Variants in NOTCH3 observed in about 807,000 individuals in gnomAD.
NOTCH3 encodes the protein neurogenic locus notch homolog protein 3.
NOTCH3 carries 86 observed loss-of-function variants against 213.3 expected under a neutral mutation model. The observed-to-expected ratio is 0.40, with a 90% confidence interval of 0.34 to 0.48. The LOEUF is 0.48. Ranked by LOEUF, NOTCH3 falls within the 20% of genes least tolerant of loss-of-function variation. The probability of loss-of-function intolerance (pLI) is 0.57; values close to 1 mark genes in which losing one functional copy is unlikely to be tolerated. For synonymous variants in NOTCH3, 1,354 were observed against 1,355.9 expected (o/e 1.00, Z 0.03); for missense variants, 2,783 against 3,272.6 (o/e 0.85, Z 3.65).
Position 15,187,181 on chromosome 19 carries a change from G to C in NOTCH3, c.1764C>G (p.Ser588Arg). 6.2e-7 allele frequency: 1 copy of C among 1,614,078 alleles called. No individual in the cohort carries two copies. The highest frequency in any genetic ancestry group is 8.5e-7 in the Non-Finnish European group (1 of 1,180,032). Residue 588 changes from serine (S) to arginine (R), a missense_variant, in exon 11 of 33, where the codon AGC (serine) becomes AGG (arginine). Coordinates refer to ENST00000263388, the MANE Select transcript of NOTCH3 (RefSeq NM_000435.3). ...RCESQVDECRSQPCRHGGKCL... is the reference protein window; with the variant it reads ...RCESQVDECRRQPCRHGGKCL... Reference sequence around the variant, plus strand: ...ATTTGCCGCCATGGCGGCAGGGCTGGCTGCGGCATTCGTCCACCTGGCTCT... The same window carrying C: ...ATTTGCCGCCATGGCGGCAGGGCTGCCTGCGGCATTCGTCCACCTGGCTCT...
chr19:15,165,607 T>G lies in NOTCH3; in HGVS notation c.5668-92A>C. ...AGTCCCATGAAGTCCCCAACCCCCA[T>G]ACCCCAACCCCTGAAATTGGTGAGG... On this transcript the variant is annotated intron_variant, in intron 30 of 32. Coordinates refer to ENST00000263388, the MANE Select transcript of NOTCH3 (RefSeq NM_000435.3). The surrounding 1 kb of genome is among the most constrained non-coding windows in gnomAD (Gnocchi z 4.7). 2 of 688,160 alleles carry G rather than the reference T, an allele frequency of 2.9e-6. No homozygotes were observed. The highest frequency in any genetic ancestry group is 2.3e-6 in the Non-Finnish European group (1 of 436,664). 42.6% of individuals were successfully genotyped at this position (688,160 alleles called of 1,614,324 possible).
At position 15,173,550 on chromosome 19, in the gene NOTCH3, T is replaced by C. The variant is rs1417058923; in HGVS notation, c.4736+518A>G. On this transcript the variant is annotated intron_variant, in intron 25 of 32. Transcript: ENST00000263388. ...ACTACAAGAATATATTGTGCCCGGC[T>C]TTATCTTCTATGTCTTTAAGAAGAA... Among the ~76,000 whole-genome samples, 3 of 151,596 alleles carry C rather than the reference T, an allele frequency of 2.0e-5. No individual in the cohort carries two copies. The East Asian group carries it at 5.8e-4, about 29-fold the overall frequency.
In NOTCH3 at chr19:15,161,254, C is replaced by G. The variant is rs767998193; in HGVS notation, c.6374G>C (p.Gly2125Ala). The change falls in exon 33 of 33, where the codon GGG becomes GCG. Residue 2125 changes from glycine (G) to alanine (A), a missense_variant. Gly to Ala is a moderately conservative substitution (Grantham distance 60, BLOSUM62 0). Around this residue, in one of 6 missense-constraint regions of NOTCH3, gnomAD observed 441 missense variants for 432.1 expected, o/e 1.02. Transcript: ENST00000263388. ...PASPGGFPLE[G>A]PYAAATATAV... ...AGTGGCAGTGGCAGCTGCATAGGGC[C>G]CCTCAAGGGGGAAGCCACCAGGGGA... 2.6e-6 allele frequency: 4 copies of G among 1,545,660 alleles called. No individual in the cohort carries two copies. Among genetic ancestry groups the G allele is most frequent in the Non-Finnish European group, 3.5e-6 (4 of 1,149,522 alleles).
chr19:15,187,058 CTG>C (rs759306698), intron 11 of NOTCH3, 45 bp downstream of exon 11: 5 of 1,606,484 alleles, frequency 3.1e-6, no homozygotes, highest in Non-Finnish European at 4.3e-6. Flanking sequence ...CCCAAACCCT[CTG>C]TGCCCCTCCA....
intron 28 of NOTCH3, among the ~76,000 whole-genome samples, chr19:15,169,787 G>A (rs936533272): frequency 6.6e-5 from 10 of 152,178 alleles, no homozygotes; most frequent in African/African-American, 2.4e-4. Flanking sequence ...GACACCTCCA[G>A]GAAGAGTGCA....
rs2145418337 is a variant in NOTCH3, at chr19:15,179,230, G to C, written c.3513C>G (p.Asp1171Glu). The C allele has an allele frequency of 6.2e-7, 1 of 1,614,036 alleles. No individual in the cohort carries two copies. Among genetic ancestry groups the C allele is most frequent in the East Asian group, 2.2e-5 (1 of 44,874 alleles). ...EDDCGPGPPL[D>E]SGPRCLHNGT... ...CATTGTGTAGGCACCGGGGCCCTGA[G>C]TCCAGCGGTGGGCCTGGGCCGCAGT... is the stretch of plus-strand genomic sequence containing the variant. Residue 1171 changes from aspartate (D) to glutamate (E), a missense_variant, in exon 22 of 33, where the codon GAC becomes GAG. Physicochemically the swap from Asp to Glu is conservative, Grantham distance 45 (BLOSUM62 2). Around this residue, in one of 6 missense-constraint regions of NOTCH3, gnomAD observed 861 missense variants for 909.1 expected, o/e 0.95. Transcript: ENST00000263388.
chr19:15,179,762 C>T (rs1276642414), intron 20 of NOTCH3: 2 of 588,772 alleles, frequency 3.4e-6, no homozygotes, highest in Non-Finnish European at 6.1e-6. Context: ...GGTGCCTGTA[C>T]TCCCAGCTAT....
At chr19:15,164,279 C>A (rs1397362725) in intron 31 of NOTCH3, among the ~76,000 whole-genome samples, 1 of 152,012 alleles carries the variant, frequency 6.6e-6, no homozygotes, top group African/African-American at 2.4e-5. Flanking sequence ...GTGGCTCATG[C>A]CTATAACCCC....
intron 1 of NOTCH3, among the ~76,000 whole-genome samples, chr19:15,200,545 G>A (rs2047004341): frequency 6.6e-6 from 1 of 151,950 alleles, no homozygotes; most frequent in South Asian, 2.1e-4. Flanking sequence ...TCCCAGTCTC[G>A]GACTCCTGGG....
In NOTCH3 at chr19:15,185,433, A is replaced by T; in HGVS notation, c.2145-25T>A. ...CCTGGCAGGGGAAGGTAGTCAGGCCAGGGAGGTGGGCCAGGGAGAGGGGGC... is the reference window on the plus strand; with the variant it reads ...CCTGGCAGGGGAAGGTAGTCAGGCCTGGGAGGTGGGCCAGGGAGAGGGGGC... On this transcript the variant is annotated intron_variant, in intron 13 of 32. Coordinates refer to ENST00000263388, the MANE Select transcript of NOTCH3 (RefSeq NM_000435.3). This position sits in a 1 kb window ranked among gnomAD's most constrained non-coding sequence, Gnocchi z 4.2. The T allele has an allele frequency of 6.2e-7, 1 of 1,611,882 alleles. No homozygotes were observed. The highest frequency in any genetic ancestry group is 8.5e-7 in the Non-Finnish European group (1 of 1,179,060).
chr19:15,199,769 G>A (rs1232346662), intron 1 of NOTCH3, among the ~76,000 whole-genome samples: 4 of 152,132 alleles, frequency 2.6e-5, no homozygotes, highest in Non-Finnish European at 5.9e-5. Context: ...GGGCCCCGGG[G>A]CTGGGCTGGG....
chr19:15,187,024 C>T (rs772025256), intron 11 of NOTCH3, 36 bp from the exon 12 acceptor site: 1 of 1,607,958 alleles, frequency 6.2e-7, no homozygotes, highest in Non-Finnish European at 8.5e-7. Context: ...GTGGCCACCA[C>T]TGTGCCCCAC....
chr19:15,159,645 A>G lies in NOTCH3; in HGVS notation c.*1017T>C, dbSNP rs2046623293. ...AGACCAACAACACTGAGTGTTAACTATTCCTTTATTAGGTGGTGAGGGGAG... is the reference window on the plus strand; with the variant it reads ...AGACCAACAACACTGAGTGTTAACTGTTCCTTTATTAGGTGGTGAGGGGAG... On this transcript the variant is annotated 3_prime_UTR_variant, in exon 33 of 33. Coordinates refer to ENST00000263388, the MANE Select transcript of NOTCH3 (RefSeq NM_000435.3). 1 of 231,548 alleles carries G rather than the reference A, an allele frequency of 4.3e-6. No individual in the cohort carries two copies. The highest frequency in any genetic ancestry group is 2.2e-5 in the African/African-American group (1 of 45,264). The allele number at this position is 231,548 out of a possible 1,614,324, so 14.3% of individuals were successfully genotyped here.
intron 2 of NOTCH3, among the ~76,000 whole-genome samples, chr19:15,195,693 G>C (rs1015892651): frequency 1.3e-5 from 2 of 151,822 alleles, no homozygotes; most frequent in Non-Finnish European, 2.9e-5. Context: ...GGCCCGCAGG[G>C]CGACCACTGC....
In NOTCH3 at chr19:15,185,842, G is replaced by A. The variant is rs555875417; in HGVS notation, c.1952-163C>T. Among the ~76,000 whole-genome samples the A allele has an allele frequency of 1.3e-5, 2 of 152,260 alleles. No individual in the cohort carries two copies. Among genetic ancestry groups the A allele is most frequent in the South Asian group, 4.1e-4 (2 of 4,824 alleles). On this transcript the variant is annotated intron_variant, in intron 12 of 32. Coordinates refer to ENST00000263388, the MANE Select transcript of NOTCH3 (RefSeq NM_000435.3). The surrounding 1 kb of genome is among the most constrained non-coding windows in gnomAD (Gnocchi z 4.2). ...TTAGGACACCCGCCTCCTCAACCAA[G>A]AGCTGACTTGCCCCAGATCATTCTG...
Position 15,178,035 on chromosome 19 carries a change from C to A in NOTCH3, c.3893G>T (p.Cys1298Phe), listed in dbSNP as rs2046807248. The A allele has an allele frequency of 6.6e-7, 1 of 1,512,392 alleles. No individual in the cohort carries two copies. Among genetic ancestry groups the A allele is most frequent in the Non-Finnish European group, 8.8e-7 (1 of 1,135,864 alleles). The allele number at this position is 1,512,392 out of a possible 1,614,324, so 93.7% of individuals were successfully genotyped here. The part of the protein sequence containing the change: ...RVARSCRELQ[C>F]PVGVPCQQTP... ...CTGCTGGCATGGGACGCCCACCGGG[C>A]ACTGCAGCTCCCGGCAGGAGCGCGC... Residue 1298 changes from cysteine to phenylalanine, a missense_variant, in exon 24 of 33, where the codon TGC (cysteine) becomes TTC (phenylalanine). Cys to Phe is a radical substitution (Grantham distance 205). Transcript: ENST00000263388.
chr19:15,194,858 G>A (rs897318501), intron 2 of NOTCH3, among the ~76,000 whole-genome samples: 2 of 151,356 alleles, frequency 1.3e-5, no homozygotes, highest in Non-Finnish European at 2.9e-5. Flanking sequence ...TCCGGAGGCT[G>A]AGGCAGGAAA....
chr19:15,170,535 G>A lies in NOTCH3; in HGVS notation c.4910C>T (p.Pro1637Leu), dbSNP rs781302445. 8.7e-6 allele frequency: 14 copies of A among 1,609,716 alleles called. No homozygotes were observed. Among genetic ancestry groups the A allele is most frequent in the Middle Eastern group, 1.6e-4 (1 of 6,062 alleles). The change falls in exon 27 of 33, where the codon CCA becomes CTA. Residue 1637 changes from proline (P) to leucine (L), a missense_variant. By Grantham distance (98) the Pro-to-Leu change is moderately conservative. Around this residue, in one of 6 missense-constraint regions of NOTCH3, gnomAD observed 636 missense variants for 801.8 expected, o/e 0.79. Transcript: ENST00000263388. ...TGGCAGCAGCGGGACGCTGGGTTCTGGAGGCTCCAGCGGCTCCCCTAAGAG... is the reference window on the plus strand; with the variant it reads ...TGGCAGCAGCGGGACGCTGGGTTCTAGAGGCTCCAGCGGCTCCCCTAAGAG... The part of the protein sequence containing the change: ...RDVRGEPLEP[P>L]EPSVPLLPLL...
chr19:15,197,441 G>GGCCCCC, intron 2 of NOTCH3, 59 bp downstream of exon 2: 12 of 768,354 alleles, frequency 1.6e-5, no homozygotes, highest in East Asian at 8.2e-5. Context: ...AAGACAAATC[G>GGCCCCC]CCCCTCCCCC....
Sources: allele counts gnomAD v4.1 joint callset (sites outside exome capture counted in the v4.1 genomes callset), GRCh38; gene constraint gnomAD v4.1.1; regional missense constraint gnomAD v4.1.1; non-coding constraint Gnocchi (gnomAD v3.1); transcripts MANE v1.5; gene names NCBI Gene and HGNC (gene_info 2026-07-23, HGNC 2026-07-21).